Variants in SRPK2 observed in about 807,000 individuals in gnomAD.
The protein encoded by SRPK2 is SRSF protein kinase 2.
A neutral mutation model predicts 90.8 loss-of-function variants in SRPK2; 21 were observed. The ratio of observed to expected loss-of-function variants is 0.23; its 90% confidence interval spans 0.16 to 0.33. The LOEUF is 0.33. SRPK2 is among the 10% of genes least tolerant of loss of function. SRPK2 has a pLI of 1.00. For synonymous variants in SRPK2, 288 were observed against 311.1 expected, an observed-to-expected ratio of 0.93 and a Z score of 0.78; for missense variants, 620 against 869.0, an observed-to-expected ratio of 0.71 and a Z score of 3.60.
At chr7:105,124,775 C>T (rs1472929491) in intron 15 of SRPK2, among the ~76,000 whole-genome samples, 4 of 151,588 alleles carry the variant, frequency 2.6e-5, no homozygotes, top group Non-Finnish European at 4.4e-5. Context: ...TTATTAAGGG[C>T]TGTCACATCC....
At chr7:105,323,513 A>G (rs1178103144) in intron 2 of SRPK2, among the ~76,000 whole-genome samples, 1 of 152,236 alleles carries the variant, frequency 6.6e-6, no homozygotes, top group South Asian at 2.1e-4. Flanking sequence ...CACTGTAGGC[A>G]GTCTATTACT....
intron 11 of SRPK2, among the ~76,000 whole-genome samples, chr7:105,136,339 A>C (rs1244544711): frequency 6.6e-6 from 1 of 152,216 alleles, no homozygotes; most frequent in Non-Finnish European, 1.5e-5. Flanking sequence ...AGTCCACTGA[A>C]ACCCAACTGG....
intron 2 of SRPK2, among the ~76,000 whole-genome samples, chr7:105,229,409 A>C (rs1286382787): frequency 6.6e-6 from 1 of 152,004 alleles, no homozygotes; most frequent in African/African-American, 2.4e-5. Context: ...GCTTGCAGTG[A>C]GCCGAGATTG....
At chr7:105,188,280 T>G (rs1793842482) in intron 3 of SRPK2, among the ~76,000 whole-genome samples, 1 of 152,160 alleles carries the variant, frequency 6.6e-6, no homozygotes, top group African/African-American at 2.4e-5. Context: ...TATATGAAAA[T>G]GTCCAGAATA....
chr7:105,200,305 C>T (rs1424487560), intron 3 of SRPK2, among the ~76,000 whole-genome samples: 3 of 151,668 alleles, frequency 2.0e-5, no homozygotes, highest in African/African-American at 2.4e-5. Context: ...CATCTCAAAA[C>T]AAAACAAAAA....
intron 3 of SRPK2, among the ~76,000 whole-genome samples, chr7:105,198,381 C>T (rs1795167624): frequency 6.6e-6 from 1 of 152,158 alleles, no homozygotes; most frequent in African/African-American, 2.4e-5. Context: ...ATGTATGACA[C>T]AAGGCCTCCC....
At chr7:105,240,023 G>A (rs1325786255) in intron 2 of SRPK2, among the ~76,000 whole-genome samples, 1 of 152,070 alleles carries the variant, frequency 6.6e-6, no homozygotes, top group African/African-American at 2.4e-5. Context: ...CAACATAAAA[G>A]GTCTTACTCT....
At chr7:105,288,445 T>A (rs2082255559) in intron 2 of SRPK2, among the ~76,000 whole-genome samples, 1 of 151,882 alleles carries the variant, frequency 6.6e-6, no homozygotes, top group South Asian at 2.1e-4. Flanking sequence ...ATATAAAAAA[T>A]TAGCTGGGCG....
intron 1 of SRPK2, among the ~76,000 whole-genome samples, chr7:105,395,935 GAC>G (rs1822308939): frequency 6.6e-6 from 1 of 151,700 alleles, no homozygotes; most frequent in Non-Finnish European, 1.5e-5. Context: ...ATTTTTTTGA[GAC>G]ACAGTTTCAC....
chr7:105,168,747 G>A (rs928234738), intron 4 of SRPK2, among the ~76,000 whole-genome samples: 1 of 116,230 alleles, frequency 8.6e-6, no homozygotes, highest in Non-Finnish European at 1.7e-5. Flanking sequence ...CGCACCAAAT[G>A]TGTGTGTGTG....
intron 2 of SRPK2, among the ~76,000 whole-genome samples, chr7:105,381,695 C>T (rs1335268762): frequency 6.6e-6 from 1 of 151,898 alleles, no homozygotes; most frequent in Admixed American, 6.6e-5. Flanking sequence ...AGGTAGTAAG[C>T]AAAAATGTTT....
At chr7:105,398,189 G>T (rs1342438599) in intron 1 of SRPK2, among the ~76,000 whole-genome samples, 1 of 152,066 alleles carries the variant, frequency 6.6e-6, no homozygotes, top group African/African-American at 2.4e-5. Context: ...TGTCCACATA[G>T]TATTAATTTT....
At chr7:105,142,604 G>A in intron 10 of SRPK2, 114 bp from the exon 11 acceptor site, 1 of 1,385,960 alleles carries the variant, frequency 7.2e-7, no homozygotes, top group Non-Finnish European at 9.6e-7. Context: ...GTACCACCTG[G>A]TAAACACCTC....
At chr7:105,378,039 C>T (rs1203840416) in intron 2 of SRPK2, among the ~76,000 whole-genome samples, 3 of 152,106 alleles carry the variant, frequency 2.0e-5, no homozygotes, top group Non-Finnish European at 4.4e-5. Flanking sequence ...CCCAGTCCTT[C>T]GTTTGACTTC....
chr7:105,263,484 T>C (rs1447979159), intron 2 of SRPK2, among the ~76,000 whole-genome samples: 1 of 152,106 alleles, frequency 6.6e-6, no homozygotes, highest in African/African-American at 2.4e-5. Context: ...CACAACAATA[T>C]GGATGAACCT....
intron 2 of SRPK2, among the ~76,000 whole-genome samples, chr7:105,323,518 A>G (rs1460060493): frequency 6.6e-6 from 1 of 152,208 alleles, no homozygotes; most frequent in African/African-American, 2.4e-5. Context: ...TAGGCAGTCT[A>G]TTACTTTTGC....
chr7:105,263,750 AAAAC>A (rs1336953776), intron 2 of SRPK2, among the ~76,000 whole-genome samples: 1 of 152,118 alleles, frequency 6.6e-6, no homozygotes, highest in Admixed American at 6.5e-5. Context: ...ACACACACAC[AAAAC>A]AAACAAACAA....
chr7:105,269,155 G>C lies in SRPK2; in HGVS notation c.72-65370C>G, dbSNP rs77177911. 45 of 974,300 alleles carry C rather than the reference G, an allele frequency of 4.6e-5. No individual in the cohort carries two copies. The African/African-American group carries it at 7.2e-4, about 16-fold the overall frequency. The allele number at this position is 974,300 out of a possible 1,614,324, so 60.4% of individuals were successfully genotyped here. ...AGGTAGAACTAGCATGGTTCTACAA[G>C]ATGATTTTCAATTTAGCAAAATAAA... On this transcript the variant is annotated intron_variant, in intron 2 of 15. Transcript: ENST00000393651.
chr7:105,159,470 A>C (rs1241665266), intron 7 of SRPK2, among the ~76,000 whole-genome samples: 6 of 149,102 alleles, frequency 4.0e-5, no homozygotes, highest in South Asian at 4.2e-4. Context: ...AAAAAAAAAA[A>C]AAACCGTACA....
Sources: allele counts gnomAD v4.1 joint callset (sites outside exome capture counted in the v4.1 genomes callset), GRCh38; gene constraint gnomAD v4.1.1; transcripts MANE v1.5; gene names NCBI Gene and HGNC (gene_info 2026-07-23, HGNC 2026-07-21).